Variants in COL6A6 observed in about 807,000 individuals in gnomAD.
COL6A6 encodes the protein collagen type VI alpha 6 chain.
A neutral mutation model predicts 208.6 loss-of-function variants in COL6A6; 183 were observed. That is an observed-to-expected ratio of 0.88 (90% CI 0.78 to 0.99). The LOEUF is 0.99. COL6A6 is among the 50% of genes least tolerant of loss of function. The pLI, the probability that COL6A6 is intolerant of heterozygous loss-of-function variation, is 0.00. For synonymous variants in COL6A6, 973 were observed against 1,011.8 expected, an observed-to-expected ratio of 0.96 and a Z score of 0.73; for missense variants, 2,816 against 2,815.2, an observed-to-expected ratio of 1.00 and a Z score of -0.01.
At chr3:130,600,927 G>T (rs922962538) in intron 20 of COL6A6, among the ~76,000 whole-genome samples, 3 of 152,116 alleles carry the variant, frequency 2.0e-5, no homozygotes, top group African/African-American at 7.2e-5. Context: ...GTCAGTCCTG[G>T]TATAGGCATA....
chr3:130,603,797 C>A (rs764507539), intron 20 of COL6A6, among the ~76,000 whole-genome samples: 1 of 152,074 alleles, frequency 6.6e-6, no homozygotes, highest in African/African-American at 2.4e-5. Flanking sequence ...GATGTTTTAC[C>A]ATTCAGAATG....
intron 8 of COL6A6, among the ~76,000 whole-genome samples, 179 bp downstream of exon 8, chr3:130,574,704 G>T (rs868109817): frequency 3.9e-5 from 6 of 152,200 alleles, no homozygotes; most frequent in Admixed American, 6.5e-5. Flanking sequence ...GAGAAACAGG[G>T]TGTTTGATAT....
chr3:130,586,987 G>C (rs543371419), intron 11 of COL6A6, among the ~76,000 whole-genome samples: 4 of 152,200 alleles, frequency 2.6e-5, no homozygotes, highest in Non-Finnish European at 5.9e-5. Flanking sequence ...ATGCGAGCGT[G>C]AATCGGCCGT....
intron 1 of COL6A6, among the ~76,000 whole-genome samples, chr3:130,548,581 G>C (rs2062572809): frequency 6.6e-6 from 1 of 152,244 alleles, no homozygotes; most frequent in East Asian, 1.9e-4. Context: ...GAAGAGCAAA[G>C]TGCTCTGGCA....
chr3:130,546,896 A>C (rs2062518094), intron 1 of COL6A6, among the ~76,000 whole-genome samples: 1 of 94,404 alleles, frequency 1.1e-5, no homozygotes, highest in South Asian at 3.3e-4. Context: ...TGGTGCATTT[A>C]CAAACCTTAT....
chr3:130,599,707 C>G, intron 19 of COL6A6, 50 bp from the exon 20 acceptor site: 1 of 1,592,986 alleles, frequency 6.3e-7, no homozygotes, highest in Non-Finnish European at 8.6e-7. Context: ...AAGAGAAACT[C>G]TGTCAATGCT....
chr3:130,563,719 A>G, intron 3 of COL6A6, 55 bp downstream of exon 3: 1 of 1,204,618 alleles, frequency 8.3e-7, no homozygotes, highest in South Asian at 1.4e-5. Flanking sequence ...GAAAAATTAA[A>G]ATGGGGAGAG....
In COL6A6 at chr3:130,565,399, G is replaced by A. The variant is rs758753825; in HGVS notation, c.1067G>A (p.Arg356Gln). The A allele has an allele frequency of 1.4e-5, 22 of 1,613,824 alleles. No homozygotes were observed. Among genetic ancestry groups the A allele is most frequent in the South Asian group, 4.4e-5 (4 of 91,068 alleles). Residue 356 changes from arginine (R) to glutamine (Q), a missense_variant, in exon 4 of 37, where the codon CGA (arginine) becomes CAA (glutamine). Transcript: ENST00000358511. The stretch of plus-strand genomic sequence containing the variant: ...GTGACAAAAGCAGCTGTTAACCTCC[G>A]ACGGGAGGGTGTGACCATCTTCACC... ...DNVTKAAVNLRREGVTIFTLG... is the reference protein window; with the variant it reads ...DNVTKAAVNLQREGVTIFTLG...
chr3:130,540,889 C>G (rs935132330), intron 1 of COL6A6, among the ~76,000 whole-genome samples: 2 of 152,184 alleles, frequency 1.3e-5, no homozygotes, highest in African/African-American at 4.8e-5. Context: ...TACCAGTTCT[C>G]TTCATCCAGT....
chr3:130,646,501 G>GAGCC (rs1243600587), intron 32 of COL6A6: 1 of 151,804 alleles, frequency 6.6e-6, no homozygotes, highest in Non-Finnish European at 1.5e-5. Context: ...CTGAACCTGG[G>GAGCC]AGGCAGAGGT....
intron 34 of COL6A6, among the ~76,000 whole-genome samples, chr3:130,659,374 C>T (rs2065882244): frequency 6.6e-6 from 1 of 152,174 alleles, no homozygotes; most frequent in African/African-American, 2.4e-5. Flanking sequence ...ATTACAAAGA[C>T]AGTGGAAGCC....
intron 1 of COL6A6, among the ~76,000 whole-genome samples, chr3:130,546,109 A>G (rs1205461480): frequency 6.6e-6 from 1 of 152,122 alleles, no homozygotes; most frequent in Non-Finnish European, 1.5e-5. Context: ...TCCAAAATTC[A>G]TGGGTTCTTG....
intron 1 of COL6A6, among the ~76,000 whole-genome samples, chr3:130,535,517 C>A (rs2062202207): frequency 6.6e-6 from 1 of 151,986 alleles, no homozygotes; most frequent in Admixed American, 6.6e-5. Flanking sequence ...CTTTGTGAAA[C>A]CTTCTGCCTC....
chr3:130,606,639 A>T (rs2064190730), intron 20 of COL6A6, among the ~76,000 whole-genome samples: 1 of 152,238 alleles, frequency 6.6e-6, no homozygotes, highest in African/African-American at 2.4e-5. Flanking sequence ...TAAAAGTTTA[A>T]CAGAGAACAA....
chr3:130,606,809 T>C, intron 20 of COL6A6, 122 bp from the exon 21 acceptor site: 1 of 657,868 alleles, frequency 1.5e-6, no homozygotes. Context: ...AATTGAATGT[T>C]GTAAGCACTA....
intron 2 of COL6A6, 123 bp from the exon 3 acceptor site, chr3:130,562,945 G>C: frequency 1.5e-6 from 1 of 645,518 alleles, no homozygotes; most frequent in African/African-American, 1.8e-5. Flanking sequence ...TATTATTTTC[G>C]GTTTATTGGG....
intron 3 of COL6A6, among the ~76,000 whole-genome samples, chr3:130,564,719 C>T (rs1231477964): frequency 6.6e-6 from 1 of 152,116 alleles, no homozygotes; most frequent in East Asian, 1.9e-4. Context: ...TGTACCAGGC[C>T]CCATGCTAAG....
chr3:130,645,108 A>G, intron 32 of COL6A6, 106 bp downstream of exon 32: 1 of 1,088,116 alleles, frequency 9.2e-7, no homozygotes, highest in Non-Finnish European at 1.4e-6. Context: ...CACAAATTTT[A>G]TCTGGGCTTT....
chr3:130,588,775 G>A (rs889849197), intron 11 of COL6A6, among the ~76,000 whole-genome samples: 3 of 152,054 alleles, frequency 2.0e-5, no homozygotes, highest in Admixed American at 2.0e-4. Flanking sequence ...GATGGGGCAG[G>A]GACAGACAAC....
Sources: gnomAD v4.1 joint callset for allele counts (sites outside exome capture counted in the v4.1 genomes callset) on GRCh38, gnomAD v4.1.1 for gene constraint, MANE v1.5 for transcripts, NCBI Gene and HGNC (gene_info 2026-07-23, HGNC 2026-07-21) for gene names.